STK36: variants seen among roughly 807,000 people sequenced by gnomAD.
The protein encoded by STK36 is serine/threonine-protein kinase 36.
STK36 carries 116 observed loss-of-function variants against 142.2 expected under a neutral mutation model. The observed-to-expected ratio is 0.82, with a 90% CI of 0.70 to 0.95. STK36 has a LOEUF of 0.95. STK36 is among the 40% of genes least tolerant of loss of function. STK36 has a pLI of 0.00. For synonymous variants in STK36, 619 were observed against 641.7 expected (o/e 0.96, Z 0.53); for missense variants, 1,422 against 1,617.2 (o/e 0.88, Z 2.07).
intron 26 of STK36, 90 bp downstream of exon 26, chr2:218,699,438 G>A (rs1309593537): frequency 3.3e-6 from 5 of 1,512,298 alleles, no homozygotes; most frequent in Admixed American, 4.2e-5. Context: ...AATTGGAATC[G>A]GGACATGGAG....
chr2:218,696,279 G>A (rs1040319299), intron 21 of STK36, among the ~76,000 whole-genome samples: 2 of 152,180 alleles, frequency 1.3e-5, no homozygotes, highest in Non-Finnish European at 2.9e-5. Context: ...CCTTCAGAGA[G>A]GTTGTATCAC....
intron 13 of STK36, among the ~76,000 whole-genome samples, chr2:218,690,189 G>A (rs527826359): frequency 6.6e-6 from 1 of 152,114 alleles, no homozygotes; most frequent in African/African-American, 2.4e-5. Context: ...AAAATGGAAG[G>A]GTCAAGATGT....
Position 218,689,521 on chromosome 2 carries a change from A to G in STK36, c.1561-338A>G, listed in dbSNP as rs932632318. Reference sequence around the variant, plus strand: ...TTCAGAGTCAGTGTAAATGCCTAATAGGGCCTAGGATGAGGCAGCTGGAAA... The same window carrying G: ...TTCAGAGTCAGTGTAAATGCCTAATGGGGCCTAGGATGAGGCAGCTGGAAA... On this transcript the variant is annotated intron_variant, in intron 12 of 26. Coordinates refer to ENST00000295709, the MANE Select transcript of STK36 (RefSeq NM_015690.5). 1.4e-4 allele frequency among the ~76,000 whole-genome samples: 22 copies of G among 152,232 alleles called. 1 individual carries two copies. Among genetic ancestry groups the G allele is most frequent in the Admixed American group, 1.4e-3 (21 of 15,286 alleles).
At position 218,699,117 on chromosome 2, in the gene STK36, A is replaced by G. The variant is rs760489773; in HGVS notation, c.3573A>G (p.Ala1191=). 6 of 1,614,008 alleles carry G rather than the reference A, an allele frequency of 3.7e-6. No homozygotes were observed. Among genetic ancestry groups the G allele is most frequent in the Non-Finnish European group, 5.1e-6 (6 of 1,180,018 alleles). ...YQAGPLGPAL[A]AAVPSMTQLL... is the part of the protein sequence containing the mutation. ...CTGGTCCTCTGGGACCTGCCCTGGC[A>G]GCTGCAGTGCCCAGTATGACCCAGC... The change falls in exon 26 of 27, where the codon GCA becomes GCG. Residue 1191 remains alanine, a synonymous_variant. Coordinates refer to ENST00000295709, the MANE Select transcript of STK36 (RefSeq NM_015690.5).
intron 15 of STK36, 57 bp from the exon 16 acceptor site, chr2:218,692,526 T>C: frequency 1.3e-6 from 2 of 1,566,838 alleles, no homozygotes; most frequent in Non-Finnish European, 1.7e-6. Flanking sequence ...GTACTGGTGC[T>C]ATTGTCTAGG....
intron 14 of STK36, among the ~76,000 whole-genome samples, chr2:218,691,025 G>A (rs1017129119): frequency 6.6e-6 from 1 of 151,912 alleles, no homozygotes; most frequent in South Asian, 2.1e-4. Flanking sequence ...AAGCAGTTTG[G>A]CATATTTCAG....
At position 218,689,907 on chromosome 2, in the gene STK36, G is replaced by A. The variant is rs909911511; in HGVS notation, c.1609G>A (p.Ala537Thr). 8.7e-6 allele frequency: 14 copies of A among 1,606,890 alleles called. No individual in the cohort carries two copies. The highest frequency in any genetic ancestry group is 1.1e-5 in the Non-Finnish European group (13 of 1,176,356). Reference protein sequence around the residue: ...FLQDLMAVIQAYFACTFNLER... With the variant: ...FLQDLMAVIQTYFACTFNLER... ...ACAGGACCTGATGGCTGTGATTCAG[G>A]CCTACTTTGCCTGTACCTTCAATCT... The change falls in exon 13 of 27, where the codon GCC becomes ACC. Residue 537 changes from alanine (A) to threonine (T), a missense_variant. Coordinates refer to ENST00000295709, the MANE Select transcript of STK36 (RefSeq NM_015690.5).
rs1304836890 is a variant in STK36 at position 218,697,129 on chromosome 2, G to A, written c.2677G>A (p.Glu893Lys). The change falls in exon 23 of 27, where the codon GAG becomes AAG. Residue 893 changes from glutamate (E) to lysine (K), a missense_variant. By Grantham distance (56) the Glu-to-Lys change is moderately conservative. Around this residue, in one of 2 missense-constraint regions of STK36, gnomAD observed 962 missense variants for 1,167.5 expected, o/e 0.82. Coordinates refer to ENST00000295709, the MANE Select transcript of STK36 (RefSeq NM_015690.5). ...HRFSMVLRLP[E>K]EASAQEGELS... ...CTTCTCCATGGTCCTGAGGCTCCCC[G>A]AGGAGGCATCTGCACAGGAAGGGGA... 2.5e-6 allele frequency: 4 copies of A among 1,614,068 alleles called. No individual in the cohort carries two copies. Among genetic ancestry groups the A allele is most frequent in the South Asian group, 2.2e-5 (2 of 91,084 alleles).
chr2:218,682,989 G>A (rs1014922651), intron 10 of STK36, among the ~76,000 whole-genome samples: 1 of 152,122 alleles, frequency 6.6e-6, no homozygotes, highest in African/African-American at 2.4e-5. Flanking sequence ...TGAGGTACAC[G>A]TCAGTTATTT....
intron 2 of STK36, 40 bp downstream of exon 2, chr2:218,672,953 T>C: frequency 6.4e-7 from 1 of 1,565,542 alleles, no homozygotes; most frequent in Non-Finnish European, 8.8e-7. Flanking sequence ...TGGGATTTGG[T>C]ACCCCCAACT....
chr2:218,693,893 A>C lies in STK36; in HGVS notation c.2248-2A>C, dbSNP rs775914216. ...TTCTGATATCTTAGGTTTCCTTTGT[A>C]GGTAAAAGTAGTAGATTGGGAAGAG... is the stretch of plus-strand genomic sequence containing the variant. On this transcript the variant is annotated splice_acceptor_variant, in intron 18 of 26. Coordinates refer to ENST00000295709, the MANE Select transcript of STK36 (RefSeq NM_015690.5). LOFTEE classifies it high-confidence loss of function. 6.2e-6 allele frequency: 10 copies of C among 1,614,200 alleles called. No individual in the cohort carries two copies. Among genetic ancestry groups the C allele is most frequent in the Non-Finnish European group, 8.5e-6 (10 of 1,180,024 alleles).
intron 5 of STK36, 31 bp from the exon 6 acceptor site, chr2:218,675,998 C>A (rs1024279187): frequency 1.2e-6 from 2 of 1,610,192 alleles, no homozygotes; most frequent in Non-Finnish European, 1.7e-6. Context: ...TATCTTTTCC[C>A]TTTCCATTTC....
chr2:218,691,207 C>T (rs746437011), intron 14 of STK36, among the ~76,000 whole-genome samples: 4 of 152,040 alleles, frequency 2.6e-5, no homozygotes, highest in Non-Finnish European at 5.9e-5. Context: ...TTCTGACTAA[C>T]CTCAGAGGAG....
chr2:218,695,222 C>CTTTTTTTTTTTTT (rs531122836), intron 21 of STK36, among the ~76,000 whole-genome samples: 2 of 88,120 alleles, frequency 2.3e-5, no homozygotes, highest in African/African-American at 4.8e-5. Context: ...ATTGTCATCC[C>CTTTTTTTTTTTTT]TTTTTTTTTT....
intron 25 of STK36, 40 bp from the exon 26 acceptor site, chr2:218,698,560 ACT>A (rs751678086): frequency 9.5e-6 from 15 of 1,587,208 alleles, no homozygotes; most frequent in Middle Eastern, 1.7e-4. Context: ...AGCTGCATAT[ACT>A]CTCTCTCTCC....
chr2:218,690,625 A>G (rs1940964595), intron 14 of STK36, 70 bp downstream of exon 14: 2 of 1,227,642 alleles, frequency 1.6e-6, no homozygotes, highest in East Asian at 2.3e-5. Flanking sequence ...CCCCTTTCTT[A>G]TGACTATGTA....
At chr2:218,698,096 C>T (rs1575143936) in intron 25 of STK36, 95 bp downstream of exon 25, 6 of 1,530,852 alleles carry the variant, frequency 3.9e-6, no homozygotes, top group Non-Finnish European at 5.3e-6. Context: ...CTTCTAGGCC[C>T]CTGTAAGCAT....
At position 218,685,230 on chromosome 2, in the gene STK36, T is replaced by C. The variant is rs762353214; in HGVS notation, c.1380+2T>C. The C allele has an allele frequency of 1.9e-6, 3 of 1,614,066 alleles. No individual in the cohort carries two copies. Among genetic ancestry groups the C allele is most frequent in the Non-Finnish European group, 2.5e-6 (3 of 1,179,990 alleles). On this transcript the variant is annotated splice_donor_variant, in intron 11 of 26. Transcript: ENST00000295709. LOFTEE classifies it high-confidence loss of function. ...CAGCTGCATGAAGCTGGAGGGCAGG[T>C]AATGGGGAGAAAGACACTGTGGATG... is the stretch of plus-strand genomic sequence containing the variant.
rs908242209 is a variant in STK36 at position 218,688,459 on chromosome 2, G to A, written c.1381-238G>A. The A allele has an allele frequency of 1.0e-5, 6 of 592,852 alleles. No homozygotes were observed. In the East Asian group the frequency reaches 1.7e-4, roughly 16 times the overall value. 36.7% of individuals were successfully genotyped at this position (592,852 alleles called of 1,614,324 possible). ...AGTCTGACAGAGATCCTGAGGAGAG[G>A]CCCCTATCCGTTGGTCACTGGTGTT... On this transcript the variant is annotated intron_variant, in intron 11 of 26. Transcript: ENST00000295709.
Sources: allele counts gnomAD v4.1 joint callset (sites outside exome capture counted in the v4.1 genomes callset), GRCh38; gene constraint gnomAD v4.1.1; regional missense constraint gnomAD v4.1.1; transcripts MANE v1.5; gene names NCBI Gene and HGNC (gene_info 2026-07-23, HGNC 2026-07-21).